Variants in GPATCH8 observed in about 807,000 individuals in gnomAD.
GPATCH8 encodes G-patch domain containing 8, also known as G patch domain-containing protein 8.
A neutral mutation model predicts 118.3 loss-of-function variants in GPATCH8; 18 were observed. That is an observed-to-expected ratio of 0.15 (90% CI 0.11 to 0.23). GPATCH8 has a LOEUF of 0.23. Ranked by LOEUF, GPATCH8 falls within the 10% of genes least tolerant of loss-of-function variation. GPATCH8 has a pLI of 1.00. For synonymous variants in GPATCH8, 659 were observed against 684.7 expected, an observed-to-expected ratio of 0.96 and a Z score of 0.59; for missense variants, 1,631 against 1,873.8, an observed-to-expected ratio of 0.87 and a Z score of 2.39.
intron 1 of GPATCH8, among the ~76,000 whole-genome samples, chr17:44,495,736 T>A (rs1234777544): frequency 1.3e-5 from 2 of 152,320 alleles, no homozygotes; most frequent in Middle Eastern, 6.8e-3. Context: ...ATTAAACCAA[T>A]TAAATTTTCA....
chr17:44,482,803 A>C (rs1968377312), intron 1 of GPATCH8, among the ~76,000 whole-genome samples: 1 of 151,874 alleles, frequency 6.6e-6, no homozygotes, highest in Non-Finnish European at 1.5e-5. Context: ...TAAACTAAAA[A>C]ACATGTACAG....
At chr17:44,478,389 C>T (rs1967937225) in intron 1 of GPATCH8, among the ~76,000 whole-genome samples, 1 of 152,076 alleles carries the variant, frequency 6.6e-6, no homozygotes, top group South Asian at 2.1e-4. Flanking sequence ...GTGGCTCATG[C>T]CTGTAATTCC....
chr17:44,497,563 G>A (rs1324408030), intron 1 of GPATCH8, among the ~76,000 whole-genome samples: 1 of 152,056 alleles, frequency 6.6e-6, no homozygotes, highest in African/African-American at 2.4e-5. Flanking sequence ...ACTCCAGCCT[G>A]AGTGACAGAG....
intron 1 of GPATCH8, among the ~76,000 whole-genome samples, chr17:44,497,388 G>C (rs1035432101): frequency 6.7e-5 from 10 of 148,710 alleles, no homozygotes; most frequent in African/African-American, 2.5e-4. Context: ...TCAGGAGTTT[G>C]AGACCAGCCT....
rs537489505 is a variant in GPATCH8 at position 44,396,048 on chromosome 17, A to G, written c.*1520T>C. The stretch of plus-strand genomic sequence containing the variant: ...GAGGGCATGGAAACTATGAAGCAAA[A>G]TATCTGTAAATGTGCTCACCTCCCA... On this transcript the variant is annotated 3_prime_UTR_variant, in exon 8 of 8. Transcript: ENST00000591680. The G allele has an allele frequency of 6.6e-6, 3 of 454,426 alleles. No individual in the cohort carries two copies. Among genetic ancestry groups the G allele is most frequent in the South Asian group, 1.6e-5 (1 of 64,478 alleles). The allele number at this position is 454,426 out of a possible 1,614,324, so 28.1% of individuals were successfully genotyped here. A position where few individuals can be genotyped will look rare whatever the true frequency, so the allele number is the denominator to read the frequency against.
chr17:44,413,548 CTTG>C (rs1034259879), intron 6 of GPATCH8, among the ~76,000 whole-genome samples: 70 of 152,230 alleles, frequency 4.6e-4, no homozygotes, highest in African/African-American at 1.7e-3. Context: ...GTGGCGCGAT[CTTG>C]GCTCACTGCA....
chr17:44,440,763 G>A (rs991370273), intron 3 of GPATCH8, among the ~76,000 whole-genome samples: 2 of 152,190 alleles, frequency 1.3e-5, no homozygotes, highest in African/African-American at 4.8e-5. Context: ...AATCAGTTCT[G>A]ATTTTAAAAT....
intron 6 of GPATCH8, 142 bp from the exon 7 acceptor site, chr17:44,406,193 T>C (rs369981582): frequency 7.1e-5 from 49 of 686,674 alleles, no homozygotes; most frequent in Middle Eastern, 4.0e-4. Context: ...CTTATGGCAA[T>C]TGAAAACACA....
intron 3 of GPATCH8, among the ~76,000 whole-genome samples, chr17:44,460,756 G>A (rs374074458): frequency 1.2e-4 from 18 of 152,334 alleles, no homozygotes; most frequent in East Asian, 3.9e-4. Flanking sequence ...AATCACATGC[G>A]ATGCCTACTG....
At chr17:44,446,249 A>G (rs1024943042) in intron 3 of GPATCH8, among the ~76,000 whole-genome samples, 1 of 151,722 alleles carries the variant, frequency 6.6e-6, no homozygotes, top group South Asian at 2.1e-4. Context: ...CATGCCGCCT[A>G]TATTAGTTTC....
rs2050026173 is a variant in GPATCH8 at position 44,424,606 on chromosome 17, T to A, written c.349-114A>T. The stretch of plus-strand genomic sequence containing the variant: ...GACAAAAAAGGGCTTTTCATAATAT[T>A]TAGTGGTACCAGTAAAAGCTGGATG... On this transcript the variant is annotated intron_variant, in intron 5 of 7. Coordinates refer to ENST00000591680, the MANE Select transcript of GPATCH8 (RefSeq NM_001002909.4). The A allele has an allele frequency of 3.9e-6, 3 of 771,942 alleles. No individual in the cohort carries two copies. In the South Asian group the frequency reaches 4.4e-5, roughly 11 times the overall value. The allele number at this position is 771,942 out of a possible 1,614,324, so 47.8% of individuals were successfully genotyped here. A position where few individuals can be genotyped will look rare whatever the true frequency, so the allele number is the denominator to read the frequency against.
intron 6 of GPATCH8, among the ~76,000 whole-genome samples, chr17:44,415,434 G>A (rs1481532651): frequency 6.6e-6 from 1 of 152,148 alleles, no homozygotes; most frequent in African/African-American, 2.4e-5. Context: ...AACCCAAAAT[G>A]CTCCAATAAA....
chr17:44,406,799 C>G (rs928612039), intron 6 of GPATCH8, among the ~76,000 whole-genome samples: 12 of 152,108 alleles, frequency 7.9e-5, no homozygotes, highest in Non-Finnish European at 1.6e-4. Context: ...ATCCAGGTAA[C>G]AGAATGGGTC....
intron 6 of GPATCH8, among the ~76,000 whole-genome samples, chr17:44,414,079 A>ATATATATG (rs908415895): frequency 7.7e-6 from 1 of 129,892 alleles, no homozygotes; most frequent in Non-Finnish European, 1.6e-5. Context: ...ATATATATAT[A>ATATATATG]TGTGTGTGTA....
intron 3 of GPATCH8, among the ~76,000 whole-genome samples, chr17:44,452,290 G>GAA (rs781273009): frequency 9.3e-6 from 1 of 107,240 alleles, no homozygotes; most frequent in African/African-American, 3.6e-5. Flanking sequence ...AAAAAAAAAA[G>GAA]AAAAAAAAAA....
intron 6 of GPATCH8, among the ~76,000 whole-genome samples, chr17:44,406,825 C>G (rs144576394): frequency 3.8e-4 from 58 of 152,210 alleles, no homozygotes; most frequent in Non-Finnish European, 6.6e-4. Context: ...TTTTCAGAAG[C>G]TACTGTATAA....
chr17:44,419,263 G>C (rs905725686), intron 6 of GPATCH8, among the ~76,000 whole-genome samples: 2 of 152,208 alleles, frequency 1.3e-5, no homozygotes, highest in Admixed American at 6.5e-5. Context: ...ATACAGGGTT[G>C]AAAGTACTTA....
In GPATCH8 at chr17:44,397,744, A is replaced by G. The variant is rs887438680; in HGVS notation, c.4333T>C (p.Ser1445Pro). 2 of 1,592,174 alleles carry G rather than the reference A, an allele frequency of 1.3e-6. No homozygotes were observed. Among genetic ancestry groups the G allele is most frequent in the African/African-American group, 2.7e-5 (2 of 74,622 alleles). ...ASHPIHIIPA[S>P]AIHPGPFTFH... ...GTGAAGGGCCCAGGATGGATGGCTG[A>G]GGCGGGAATGATGTGGATGGGATGG... Residue 1445 changes from serine to proline, a missense_variant, in exon 8 of 8, where the codon TCA (serine) becomes CCA (proline). By Grantham distance (74) the Ser-to-Pro change is moderately conservative (BLOSUM62 -1). Transcript: ENST00000591680.
chr17:44,426,264 C>A (rs1029979273), intron 5 of GPATCH8, among the ~76,000 whole-genome samples: 4 of 152,160 alleles, frequency 2.6e-5, no homozygotes, highest in East Asian at 1.9e-4. Flanking sequence ...ACAAAGAATG[C>A]ACATAGAGAA....
Sources: gnomAD v4.1 joint callset for allele counts (sites outside exome capture counted in the v4.1 genomes callset) on GRCh38, gnomAD v4.1.1 for gene constraint, MANE v1.5 for transcripts, NCBI Gene and HGNC (gene_info 2026-07-23, HGNC 2026-07-21) for gene names.